The following GRB10 variants were observed in gnomAD, a reference collection of about 807,000 sequenced individuals.
The protein encoded by GRB10 is growth factor receptor bound protein 10.
In GRB10, 20 loss-of-function variants were observed where a neutral mutation model predicts 80.9. That is an observed-to-expected ratio of 0.25 (90% confidence interval 0.17 to 0.36). The LOEUF (loss-of-function observed/expected upper bound fraction) is 0.36. Ranked by LOEUF, GRB10 falls within the 10% of genes least tolerant of loss-of-function variation. GRB10 has a pLI of 1.00. For missense variants in GRB10, 548 were observed against 747.7 expected (o/e 0.73, Z 3.12); for synonymous variants, 291 against 291.5 (o/e 1.00, Z 0.02).
At chr7:50,679,614 C>T (rs1484640343) in intron 5 of GRB10, among the ~76,000 whole-genome samples, 1 of 152,178 alleles carries the variant, frequency 6.6e-6, no homozygotes, top group Non-Finnish European at 1.5e-5. Flanking sequence ...GTGTGCGATG[C>T]CTTCAGAGCT....
At chr7:50,776,134 T>A (rs2077609829) in intron 2 of GRB10, among the ~76,000 whole-genome samples, 1 of 152,340 alleles carries the variant, frequency 6.6e-6, no homozygotes, top group African/African-American at 2.4e-5. Context: ...AAAGGTCACT[T>A]GGCCACACCC....
At chr7:50,605,492 G>A (rs2048368363) in intron 14 of GRB10, 86 bp from the exon 15 acceptor site, 1 of 1,107,142 alleles carries the variant, frequency 9.0e-7, no homozygotes, top group Admixed American at 1.7e-5. Context: ...AAGACGGTCA[G>A]GAAAGGGGAG....
chr7:50,790,896 C>G (rs766691152), intron 1 of GRB10, among the ~76,000 whole-genome samples: 2 of 152,216 alleles, frequency 1.3e-5, no homozygotes, highest in African/African-American at 4.8e-5. Context: ...TCACCAAAAT[C>G]AAGTTCTGAG....
chr7:50,678,097 C>A (rs2237478), intron 5 of GRB10, among the ~76,000 whole-genome samples: 1 of 152,194 alleles, frequency 6.6e-6, no homozygotes, highest in South Asian at 2.1e-4. Context: ...AAGCAGCCCC[C>A]GGGGTCTCCT....
At chr7:50,709,676 T>C (rs1385677800) in intron 4 of GRB10, among the ~76,000 whole-genome samples, 1 of 150,166 alleles carries the variant, frequency 6.7e-6, no homozygotes, top group Admixed American at 6.7e-5. Flanking sequence ...GATTAAGGGC[T>C]GGAGGTTTCA....
intron 5 of GRB10, among the ~76,000 whole-genome samples, chr7:50,695,105 T>C (rs1435061908): frequency 1.3e-5 from 2 of 152,182 alleles, no homozygotes; most frequent in Non-Finnish European, 2.9e-5. Flanking sequence ...GCTCAGACCA[T>C]GACTTCTCCC....
chr7:50,715,911 T>C (rs996851200), intron 4 of GRB10, among the ~76,000 whole-genome samples: 1 of 152,158 alleles, frequency 6.6e-6, no homozygotes, highest in Admixed American at 6.5e-5. Context: ...GCCCTACTAG[T>C]GCCCACTCAC....
chr7:50,643,030 A>C (rs2056558791), intron 7 of GRB10, among the ~76,000 whole-genome samples: 1 of 152,192 alleles, frequency 6.6e-6, no homozygotes, highest in Non-Finnish European at 1.5e-5. Context: ...AGGAAAATAC[A>C]TTTGACCCTT....
chr7:50,773,595 T>C (rs550792214), intron 2 of GRB10, among the ~76,000 whole-genome samples: 31 of 152,218 alleles, frequency 2.0e-4, no homozygotes, highest in African/African-American at 6.5e-4. Flanking sequence ...TGCATTATTA[T>C]TGGGAATGTA....
intron 4 of GRB10, among the ~76,000 whole-genome samples, chr7:50,707,892 AC>A: frequency 6.6e-6 from 1 of 152,052 alleles, no homozygotes; most frequent in East Asian, 1.9e-4. Flanking sequence ...TTTGCCCGAG[AC>A]CTCCTCTTTT....
intron 7 of GRB10, among the ~76,000 whole-genome samples, chr7:50,641,122 T>C (rs1480543682): frequency 2.0e-5 from 3 of 148,930 alleles, no homozygotes; most frequent in African/African-American, 7.5e-5. Context: ...CCTAAGCTCC[T>C]GGACAGAGAG....
intron 2 of GRB10, among the ~76,000 whole-genome samples, chr7:50,758,726 G>C (rs925093906): frequency 1.3e-5 from 2 of 152,220 alleles, no homozygotes; most frequent in African/African-American, 4.8e-5. Context: ...TGATATCAGA[G>C]ACTCAGAGAT....
At chr7:50,767,090 T>C (rs1216386592) in intron 2 of GRB10, among the ~76,000 whole-genome samples, 3 of 152,142 alleles carry the variant, frequency 2.0e-5, no homozygotes, top group African/African-American at 4.8e-5. Flanking sequence ...TAATCGAACT[T>C]TTCTGCAGTA....
chr7:50,718,295 C>T (rs1308186711), intron 4 of GRB10, among the ~76,000 whole-genome samples: 4 of 152,306 alleles, frequency 2.6e-5, no homozygotes, highest in East Asian at 3.9e-4. Context: ...TTCTGAAATG[C>T]TGGCATTACC....
chr7:50,784,604 G>A (rs563545311), upstream of GRB10, among the ~76,000 whole-genome samples: 13 of 152,326 alleles, frequency 8.5e-5, no homozygotes, highest in African/African-American at 2.4e-4. Flanking sequence ...CCTGGATGTG[G>A]GAAGAGCAAG....
chr7:50,601,625 A>C (rs2047616740), intron 17 of GRB10, among the ~76,000 whole-genome samples: 1 of 152,214 alleles, frequency 6.6e-6, no homozygotes, highest in Admixed American at 6.5e-5. Flanking sequence ...ATGTAATATA[A>C]AGTAATAAGT....
At chr7:50,777,457 C>CACACACACACACA (rs1220686321) in intron 2 of GRB10, among the ~76,000 whole-genome samples, 3 of 151,666 alleles carry the variant, frequency 2.0e-5, no homozygotes, top group East Asian at 1.9e-4. Flanking sequence ...CACACACACA[C>CACACACACACACA]ACCATTGCAC....
At chr7:50,600,575 G>C (rs777973713) in intron 17 of GRB10, among the ~76,000 whole-genome samples, 4 of 152,150 alleles carry the variant, frequency 2.6e-5, no homozygotes, top group African/African-American at 4.8e-5. Context: ...AGGAAGGAAA[G>C]AGGAGCAGAG....
chr7:50,676,720 CAAT>C (rs372878678), intron 5 of GRB10, among the ~76,000 whole-genome samples: 33 of 152,266 alleles, frequency 2.2e-4, no homozygotes, highest in South Asian at 8.3e-4. Context: ...AAAACAACAA[CAAT>C]GAGGGAGGGA....
Sources: allele counts gnomAD v4.1 joint callset (sites outside exome capture counted in the v4.1 genomes callset), GRCh38; gene constraint gnomAD v4.1.1; transcripts MANE v1.5; gene names NCBI Gene and HGNC (gene_info 2026-07-23, HGNC 2026-07-21).